Variants in IGSF3 observed in about 807,000 individuals in gnomAD.
IGSF3 encodes the protein immunoglobulin superfamily member 3, also known as glu-Trp-Ile EWI motif-containing protein 3.
A neutral mutation model predicts 114.4 loss-of-function variants in IGSF3; 23 were observed. That is an observed-to-expected ratio of 0.20 (90% CI 0.14 to 0.28). The LOEUF is 0.28. Among genes scored for constraint, IGSF3 ranks in the 10% least tolerant of loss-of-function variants. IGSF3 has a pLI of 1.00. For synonymous variants in IGSF3, 571 were observed against 645.2 expected (o/e 0.88, Z 1.74); for missense variants, 1,172 against 1,591.5 (o/e 0.74, Z 4.48).
At chr1:116,663,851 C>G (rs1571201982) in intron 2 of IGSF3, among the ~76,000 whole-genome samples, 1 of 152,266 alleles carries the variant, frequency 6.6e-6, no homozygotes, top group South Asian at 2.1e-4. Context: ...TAGCCTTATC[C>G]AACTTTTTTA....
intron 5 of IGSF3, chr1:116,606,696 G>C (rs1660806258): frequency 1.6e-6 from 1 of 607,522 alleles, no homozygotes; most frequent in Admixed American, 3.2e-5. Context: ...ATTAGTTGCA[G>C]ATTTAAAAGT....
At chr1:116,645,611 T>C (rs981647747) in intron 2 of IGSF3, among the ~76,000 whole-genome samples, 4 of 152,324 alleles carry the variant, frequency 2.6e-5, no homozygotes, top group African/African-American at 9.6e-5. Context: ...TCACATAAGC[T>C]TACTGGGTCT....
At chr1:116,620,002 T>A (rs141700837) in intron 2 of IGSF3, among the ~76,000 whole-genome samples, 8,679 of 152,134 alleles carry the variant, frequency 0.057, 516 homozygotes, top group African/African-American at 0.15. Context: ...GTACCAGTTT[T>A]ATAACTAGAA....
At position 116,592,354 on chromosome 1, in the gene IGSF3, AG is replaced by A. The variant is rs1660149008; in HGVS notation, c.2030-3251del. On this transcript the variant is annotated intron_variant, in intron 7 of 10. Coordinates refer to ENST00000369486, the MANE Select transcript of IGSF3 (RefSeq NM_001007237.3). This position sits in a 1 kb window ranked among gnomAD's most constrained non-coding sequence, Gnocchi z 4.5. Reference sequence around the variant, plus strand: ...AGGAAGAAAGAATCCAGCAAGAGACAGGAAGAGGGTCCGAGAGTTGCTCCAG... The same window carrying A: ...AGGAAGAAAGAATCCAGCAAGAGACAGAAGAGGGTCCGAGAGTTGCTCCAG... Among the ~76,000 whole-genome samples, 1 of 152,382 alleles carries A rather than the reference AG, an allele frequency of 6.6e-6. No individual in the cohort carries two copies. Among genetic ancestry groups the A allele is most frequent in the South Asian group, 2.1e-4 (1 of 4,832 alleles).
In IGSF3 at chr1:116,579,549, G is replaced by A; in HGVS notation, c.3177C>T (p.Ser1059=). The change falls in exon 10 of 11, where the codon TCC becomes TCT. Residue 1059 remains serine (S), a synonymous_variant. Coordinates refer to ENST00000369486, the MANE Select transcript of IGSF3 (RefSeq NM_001007237.3). The surrounding 1 kb of genome is among the most constrained non-coding windows in gnomAD (Gnocchi z 6.4). The stretch of plus-strand genomic sequence containing the variant: ...GCACTGTGAGCCGGTAGAGCACCGG[G>A]GAGAGCCTCTGGAAGCGAAGCCTGC... ...WEGRLRFQRL[S]PVLYRLTVLQ... is the part of the protein sequence containing the mutation. 1.2e-6 allele frequency: 2 copies of A among 1,614,180 alleles called. No homozygotes were observed. Among genetic ancestry groups the A allele is most frequent in the Non-Finnish European group, 1.7e-6 (2 of 1,180,028 alleles).
rs370812169 is a variant in IGSF3, at chr1:116,599,959, T to G, written c.2011A>C (p.Ile671Leu). The stretch of plus-strand genomic sequence containing the variant: ...CACTCACCTGGCTGCAGCACCCTGA[T>G]CTCCAGCAGGTTGGAGGTCCTCTCC... ...LAERTSNLLE[I>L]RVLQPVTKLQ... The change falls in exon 7 of 11, where the codon ATC (isoleucine) becomes CTC (leucine). Residue 671 changes from isoleucine to leucine, a missense_variant. This residue lies in a region of IGSF3 where 736 missense variants were observed against 1,042.0 expected (regional missense o/e 0.71). Coordinates refer to ENST00000369486, the MANE Select transcript of IGSF3 (RefSeq NM_001007237.3). The G allele has an allele frequency of 3.1e-6, 5 of 1,612,402 alleles. No individual in the cohort carries two copies. Among genetic ancestry groups the G allele is most frequent in the Non-Finnish European group, 4.2e-6 (5 of 1,178,906 alleles).
Position 116,596,053 on chromosome 1 carries a change from C to T in IGSF3, c.2029+3888G>A, listed in dbSNP as rs1049984770. Among the ~76,000 whole-genome samples the T allele has an allele frequency of 2.0e-5, 3 of 152,118 alleles. No individual in the cohort carries two copies. The highest frequency in any genetic ancestry group is 4.4e-5 in the Non-Finnish European group (3 of 68,034). On this transcript the variant is annotated intron_variant, in intron 7 of 10. Coordinates refer to ENST00000369486, the MANE Select transcript of IGSF3 (RefSeq NM_001007237.3). The surrounding 1 kb of genome is among the most constrained non-coding windows in gnomAD (Gnocchi z 4.1). ...ACAGGAAGCACACACAGGGAATGGT[C>T]AAATAACAGATCCACAAGTCAACTG...
At position 116,654,825 on chromosome 1, in the gene IGSF3, T is replaced by C. The variant is rs1167121717; in HGVS notation, c.43+11459A>G. 6.6e-6 allele frequency among the ~76,000 whole-genome samples: 1 copy of C among 152,130 alleles called. No individual in the cohort carries two copies. Among genetic ancestry groups the C allele is most frequent in the African/African-American group, 2.4e-5 (1 of 41,422 alleles). On this transcript the variant is annotated intron_variant, in intron 2 of 10. Coordinates refer to ENST00000369486, the MANE Select transcript of IGSF3 (RefSeq NM_001007237.3). This position sits in a 1 kb window ranked among gnomAD's most constrained non-coding sequence, Gnocchi z 4.4. ...CCACACACCCAGGACTTGGGATATT[T>C]GTGTATTTTCAAGAATAAAAGTTTG...
chr1:116,622,707 A>G (rs1232809991), intron 2 of IGSF3, among the ~76,000 whole-genome samples: 1 of 152,214 alleles, frequency 6.6e-6, no homozygotes, highest in Non-Finnish European at 1.5e-5. Context: ...ACATCATCTC[A>G]TTTAATCCTC....
chr1:116,629,180 A>G lies in IGSF3; in HGVS notation c.44-12723T>C, dbSNP rs1195742480. Among the ~76,000 whole-genome samples, 1 of 152,244 alleles carries G rather than the reference A, an allele frequency of 6.6e-6. No homozygotes were observed. The highest frequency in any genetic ancestry group is 1.5e-5 in the Non-Finnish European group (1 of 68,036). Reference sequence around the variant, plus strand: ...GGTGAAATAGTATGCAACCATTTAAAAACTGCAGAGAACAATATTTATGAA... The same window carrying G: ...GGTGAAATAGTATGCAACCATTTAAGAACTGCAGAGAACAATATTTATGAA... On this transcript the variant is annotated intron_variant, in intron 2 of 10. Transcript: ENST00000369486. The surrounding 1 kb of genome is among the most constrained non-coding windows in gnomAD (Gnocchi z 4.3).
intron 2 of IGSF3, among the ~76,000 whole-genome samples, chr1:116,645,588 T>C (rs1345485130): frequency 6.6e-6 from 1 of 152,238 alleles, no homozygotes; most frequent in Admixed American, 6.5e-5. Context: ...ATGCTGGCTA[T>C]GACTTGGAGA....
rs897954168 is a variant in IGSF3, at chr1:116,644,316, C to T, written c.43+21968G>A. On this transcript the variant is annotated intron_variant, in intron 2 of 10. Coordinates refer to ENST00000369486, the MANE Select transcript of IGSF3 (RefSeq NM_001007237.3). The surrounding 1 kb of genome is among the most constrained non-coding windows in gnomAD (Gnocchi z 5.6). ...ATGCAGAAAACTGCAGTCATTTGGC[C>T]GCTTGTTAAGGAGAGCCCTGAGCAG... 7.9e-5 allele frequency among the ~76,000 whole-genome samples: 12 copies of T among 152,330 alleles called. No individual in the cohort carries two copies. Among genetic ancestry groups the T allele is most frequent in the Non-Finnish European group, 1.3e-4 (9 of 68,030 alleles).
rs200790422 is a variant in IGSF3 at position 116,589,876 on chromosome 1, G to T, written c.2030-772C>A. On this transcript the variant is annotated intron_variant, in intron 7 of 10. Transcript: ENST00000369486. The surrounding 1 kb of genome is among the most constrained non-coding windows in gnomAD (Gnocchi z 5.7). Reference sequence around the variant, plus strand: ...CTGGGGATGCCCTGAAGAGTAAGCCGGAGTCCCAGCCCTCATGGGGTGGAC... The same window carrying T: ...CTGGGGATGCCCTGAAGAGTAAGCCTGAGTCCCAGCCCTCATGGGGTGGAC... Among the ~76,000 whole-genome samples, 1 of 152,156 alleles carries T rather than the reference G, an allele frequency of 6.6e-6. No individual in the cohort carries two copies. The highest frequency in any genetic ancestry group is 2.4e-5 in the African/African-American group (1 of 41,438).
chr1:116,579,943 A>G lies in IGSF3; in HGVS notation c.2849-66T>C. On this transcript the variant is annotated intron_variant, in intron 9 of 10. Coordinates refer to ENST00000369486, the MANE Select transcript of IGSF3 (RefSeq NM_001007237.3). This position sits in a 1 kb window ranked among gnomAD's most constrained non-coding sequence, Gnocchi z 6.4. ...AATTTATTTGCTCAAAATAAACTAA[A>G]TGTCCATCATTAAACACATGATAGT... is the stretch of plus-strand genomic sequence containing the variant. 7.4e-7 allele frequency: 1 copy of G among 1,357,906 alleles called. No individual in the cohort carries two copies. Among genetic ancestry groups the G allele is most frequent in the Non-Finnish European group, 1.0e-6 (1 of 1,004,724 alleles). The allele number at this position is 1,357,906 out of a possible 1,614,324, so 84.1% of individuals were successfully genotyped here. A position where few individuals can be genotyped will look rare whatever the true frequency, so the allele number is the denominator to read the frequency against.
At chr1:116,601,601 A>C (rs140989488) in intron 6 of IGSF3, among the ~76,000 whole-genome samples, 5,401 of 152,344 alleles carry the variant, frequency 0.035, 320 homozygotes, top group African/African-American at 0.12. Context: ...AAACTCTGTA[A>C]TGTGAAAGAC....
Position 116,589,414 on chromosome 1 carries a change from TG to T in IGSF3, c.2030-311del, listed in dbSNP as rs1402874159. ...AATCTAGCTATATCAGGTCTCTGCT[TG>T]AAAAGTTTAATGGCTCTGAACTACC... On this transcript the variant is annotated intron_variant, in intron 7 of 10. Transcript: ENST00000369486. The surrounding 1 kb of genome is among the most constrained non-coding windows in gnomAD (Gnocchi z 5.7). 6.6e-6 allele frequency among the ~76,000 whole-genome samples: 1 copy of T among 152,060 alleles called. No individual in the cohort carries two copies. The highest frequency in any genetic ancestry group is 1.5e-5 in the Non-Finnish European group (1 of 68,024).
At position 116,588,367 on chromosome 1, in the gene IGSF3, A is replaced by G. The variant is rs1474352410; in HGVS notation, c.2440+327T>C. On this transcript the variant is annotated intron_variant, in intron 8 of 10. Transcript: ENST00000369486. This position sits in a 1 kb window ranked among gnomAD's most constrained non-coding sequence, Gnocchi z 4.9. Reference sequence around the variant, plus strand: ...GCCCAAGATTCAGGGTGCAAACTGCAAACCCAGAAGAAGATTCAGGAGCTG... The same window carrying G: ...GCCCAAGATTCAGGGTGCAAACTGCGAACCCAGAAGAAGATTCAGGAGCTG... Among the ~76,000 whole-genome samples the G allele has an allele frequency of 6.6e-6, 1 of 152,206 alleles. No homozygotes were observed. The highest frequency in any genetic ancestry group is 2.4e-5 in the African/African-American group (1 of 41,444).
Position 116,584,515 on chromosome 1 carries a change from A to G in IGSF3, c.2848+130T>C, listed in dbSNP as rs1659729661. On this transcript the variant is annotated intron_variant, in intron 9 of 10. Transcript: ENST00000369486. This position sits in a 1 kb window ranked among gnomAD's most constrained non-coding sequence, Gnocchi z 5.8. The stretch of plus-strand genomic sequence containing the variant: ...CAGGCAATTTTGAATATAAATGCAT[A>G]TACATGTAGACACTCATATATTTAA... 2.3e-6 allele frequency: 2 copies of G among 879,534 alleles called. No homozygotes were observed. The highest frequency in any genetic ancestry group is 3.3e-5 in the South Asian group (2 of 59,934). The allele number at this position is 879,534 out of a possible 1,614,324, so 54.5% of individuals were successfully genotyped here. A position where few individuals can be genotyped will look rare whatever the true frequency, so the allele number is the denominator to read the frequency against.
intron 2 of IGSF3, among the ~76,000 whole-genome samples, chr1:116,659,075 C>T (rs1308835734): frequency 1.3e-5 from 2 of 152,188 alleles, no homozygotes; most frequent in Non-Finnish European, 2.9e-5. Flanking sequence ...TGACCACTTT[C>T]CAGGCAGGGT....
Sources: gnomAD v4.1 joint callset for allele counts (sites outside exome capture counted in the v4.1 genomes callset) on GRCh38, gnomAD v4.1.1 for gene constraint, gnomAD v4.1.1 regional missense constraint, Gnocchi (gnomAD v3.1) non-coding constraint, MANE v1.5 for transcripts, NCBI Gene and HGNC (gene_info 2026-07-23, HGNC 2026-07-21) for gene names.